The following DLG2 variants were observed in gnomAD, a reference collection of about 807,000 sequenced individuals.
DLG2 encodes disks large homolog 2.
DLG2 carries 45 observed loss-of-function variants against 132.5 expected under a neutral mutation model. The observed-to-expected ratio is 0.34, with a 90% CI of 0.27 to 0.44. DLG2 has a LOEUF of 0.44. DLG2 is among the 20% of genes least tolerant of loss of function. The pLI is 1.00. For synonymous variants in DLG2, 424 were observed against 419.6 expected (o/e 1.01, Z -0.13); for missense variants, 1,045 against 1,196.9 (o/e 0.87, Z 1.87).
intron 18 of DLG2, among the ~76,000 whole-genome samples, chr11:83,761,830 C>A (rs1431386320): frequency 6.6e-6 from 1 of 152,192 alleles, no homozygotes; most frequent in Non-Finnish European, 1.5e-5. Flanking sequence ...CCCACAACAG[C>A]ATAGCAACTC....
intron 6 of DLG2, among the ~76,000 whole-genome samples, chr11:84,586,780 G>T (rs889471987): frequency 1.3e-5 from 2 of 151,380 alleles, no homozygotes; most frequent in Non-Finnish European, 2.9e-5. Context: ...TCTTTTAATG[G>T]TTACTTCTTA....
chr11:85,624,205 A>C (rs2081916725), intron 2 of DLG2, among the ~76,000 whole-genome samples: 1 of 152,232 alleles, frequency 6.6e-6, no homozygotes. Flanking sequence ...TTTGAGGCAC[A>C]GTAGTTTCAG....
chr11:83,469,342 C>T lies in DLG2; in HGVS notation c.2478G>A (p.Val826=). Residue 826 remains valine, a synonymous_variant, in exon 25 of 28, where the codon GTG becomes GTA. Coordinates refer to ENST00000376104, the MANE Select transcript of DLG2 (RefSeq NM_001142699.3). ...TGACAAAGTGATAGTCTCTGCCATCCACCTCGTAGTCTCGCTTTGGCCTCG... is the reference window on the plus strand; with the variant it reads ...TGACAAAGTGATAGTCTCTGCCATCTACCTCGTAGTCTCGCTTTGGCCTCG... ...HTTRPKRDYE[V]DGRDYHFVIS... The T allele has an allele frequency of 1.9e-6, 3 of 1,612,732 alleles. No homozygotes were observed. Among genetic ancestry groups the T allele is most frequent in the Non-Finnish European group, 2.5e-6 (3 of 1,179,510 alleles).
rs138695695 is a variant in DLG2 at position 84,821,393 on chromosome 11, T to C, written c.358-286662A>G. Among the ~76,000 whole-genome samples, 103 of 151,820 alleles carry C rather than the reference T, an allele frequency of 6.8e-4. 2 individuals are homozygous for C. In the Middle Eastern group the frequency reaches 0.01, roughly 15 times the overall value. ...ACTGTTCTACCTTGTCATTATAGAG[T>C]AGAAGAAGCCATATATAAATGAATA... On this transcript the variant is annotated intron_variant, in intron 6 of 27. Coordinates refer to ENST00000376104, the MANE Select transcript of DLG2 (RefSeq NM_001142699.3).
intron 6 of DLG2, among the ~76,000 whole-genome samples, chr11:84,559,452 T>C: frequency 6.6e-6 from 1 of 152,170 alleles, no homozygotes; most frequent in Non-Finnish European, 1.5e-5. Context: ...AAATAAATCA[T>C]TAGGTTTCAC....
chr11:85,234,033 A>G (rs1339435970), intron 4 of DLG2, among the ~76,000 whole-genome samples: 3 of 151,906 alleles, frequency 2.0e-5, no homozygotes, highest in African/African-American at 7.2e-5. Context: ...TGTTCCTACT[A>G]TGTGCCATCC....
chr11:85,308,832 T>C (rs1184603165), intron 3 of DLG2, among the ~76,000 whole-genome samples: 2 of 152,170 alleles, frequency 1.3e-5, no homozygotes, highest in African/African-American at 4.8e-5. Context: ...TGGCAGACTA[T>C]AGAGAGTACT....
intron 7 of DLG2, among the ~76,000 whole-genome samples, chr11:84,279,288 T>A (rs2097825064): frequency 6.6e-6 from 1 of 151,800 alleles, no homozygotes; most frequent in Non-Finnish European, 1.5e-5. Context: ...GACAGAATGG[T>A]CATCATTAAA....
chr11:85,307,146 C>T (rs897179594), intron 3 of DLG2, among the ~76,000 whole-genome samples: 1 of 152,186 alleles, frequency 6.6e-6, no homozygotes, highest in Non-Finnish European at 1.5e-5. Context: ...GTCTTTAGGG[C>T]ACAAGGCATG....
At chr11:83,841,064 C>G (rs143769583) in intron 16 of DLG2, among the ~76,000 whole-genome samples, 1 of 152,264 alleles carries the variant, frequency 6.6e-6, no homozygotes, top group African/African-American at 2.4e-5. Context: ...GCTAATGACT[C>G]TGGGTCTGAT....
Position 83,930,454 on chromosome 11 carries a change from T to C in DLG2, c.1370A>G (p.Asn457Ser). Reference sequence around the variant, plus strand: ...AGAAGCAGGCTTATCACATAGTTTGTTCACAGTGCTGTAAACAGGTTCCGG... The same window carrying C: ...AGAAGCAGGCTTATCACATAGTTTGCTCACAGTGCTGTAAACAGGTTCCGG... ...RPPEPVYSTV[N>S]KLCDKPASPR... Residue 457 changes from asparagine (N) to serine (S), a missense_variant, in exon 15 of 28, where the codon AAC becomes AGC. Asn to Ser is a conservative substitution (Grantham distance 46). Transcript: ENST00000376104. The C allele has an allele frequency of 6.2e-7, 1 of 1,614,060 alleles. No homozygotes were observed. Among genetic ancestry groups the C allele is most frequent in the East Asian group, 2.2e-5 (1 of 44,866 alleles).
At chr11:84,683,400 C>A (rs1023756628) in intron 6 of DLG2, among the ~76,000 whole-genome samples, 2 of 152,168 alleles carry the variant, frequency 1.3e-5, no homozygotes, top group African/African-American at 4.8e-5. Flanking sequence ...CCTGTAAATT[C>A]TTCACTGCTT....
chr11:85,540,594 C>T (rs2075899750), intron 3 of DLG2, among the ~76,000 whole-genome samples: 1 of 152,224 alleles, frequency 6.6e-6, no homozygotes, highest in East Asian at 1.9e-4. Flanking sequence ...TTTTCTGGTA[C>T]ACCAGGGCAA....
intron 17 of DLG2, among the ~76,000 whole-genome samples, chr11:83,819,469 C>CAAAAAAAAAAAAAAAA (rs398016925): frequency 7.1e-5 from 2 of 28,124 alleles, no homozygotes; most frequent in Non-Finnish European, 1.2e-4. Context: ...GACTCTATCT[C>CAAAAAAAAAAAAAAAA]AAAAAAAAAA....
intron 7 of DLG2, among the ~76,000 whole-genome samples, chr11:84,303,467 G>C (rs1206245951): frequency 6.6e-6 from 1 of 152,074 alleles, no homozygotes; most frequent in Non-Finnish European, 1.5e-5. Flanking sequence ...TGAAGAAAAA[G>C]GTCATGTAGT....
chr11:84,732,324 T>A (rs186238539), intron 6 of DLG2, among the ~76,000 whole-genome samples: 5 of 152,068 alleles, frequency 3.3e-5, no homozygotes, highest in Admixed American at 3.3e-4. Context: ...TGTGTTTATA[T>A]TTTAAGAAAC....
intron 5 of DLG2, among the ~76,000 whole-genome samples, chr11:85,130,064 G>T (rs1385314922): frequency 1.3e-5 from 2 of 152,004 alleles, no homozygotes; most frequent in Non-Finnish European, 2.9e-5. Context: ...TGAGGGGTGG[G>T]GGGCAAGAGG....
intron 6 of DLG2, among the ~76,000 whole-genome samples, chr11:84,970,272 A>G (rs181167820): frequency 6.6e-6 from 1 of 152,150 alleles, no homozygotes; most frequent in African/African-American, 2.4e-5. Context: ...TATCTTTCAG[A>G]ACTTCCCCCA....
At chr11:84,729,950 C>T (rs1423323228) in intron 6 of DLG2, among the ~76,000 whole-genome samples, 3 of 151,950 alleles carry the variant, frequency 2.0e-5, no homozygotes, top group Admixed American at 1.3e-4. Flanking sequence ...TGTTTTAGCA[C>T]CAAGTGTTTT....
Sources: gnomAD v4.1 joint callset for allele counts (sites outside exome capture counted in the v4.1 genomes callset) on GRCh38, gnomAD v4.1.1 for gene constraint, MANE v1.5 for transcripts, NCBI Gene and HGNC (gene_info 2026-07-23, HGNC 2026-07-21) for gene names.